DNAH8: variants seen among roughly 807,000 people sequenced by gnomAD.
DNAH8 encodes the protein axonemal beta dynein heavy chain 8.
DNAH8 carries 382 observed loss-of-function variants against 562.1 expected under a neutral mutation model. The observed-to-expected ratio is 0.68, with a 90% CI of 0.63 to 0.74. The LOEUF (loss-of-function observed/expected upper bound fraction) is 0.74. DNAH8 is among the 30% of genes least tolerant of loss of function. The pLI, the probability that DNAH8 is intolerant of heterozygous loss-of-function variation, is 0.00. For synonymous variants in DNAH8, 1,881 were observed against 1,919.4 expected (o/e 0.98, Z 0.52); for missense variants, 5,203 against 5,620.4 (o/e 0.93, Z 2.37).
chr6:38,797,318 A>G (rs966263312), intron 21 of DNAH8, among the ~76,000 whole-genome samples: 11 of 152,228 alleles, frequency 7.2e-5, no homozygotes, highest in African/African-American at 2.7e-4. Flanking sequence ...TCTTAAGTCG[A>G]GTAAAGGCTC....
At chr6:38,970,850 C>T (rs1278969210) in intron 82 of DNAH8, among the ~76,000 whole-genome samples, 1 of 152,160 alleles carries the variant, frequency 6.6e-6, no homozygotes, top group Non-Finnish European at 1.5e-5. Context: ...TCTCAGACTT[C>T]TTCATTTTAG....
intron 87 of DNAH8, among the ~76,000 whole-genome samples, chr6:38,985,940 G>A (rs1228165151): frequency 2.6e-5 from 4 of 152,194 alleles, no homozygotes; most frequent in Non-Finnish European, 4.4e-5. Context: ...TCCTGAAAGA[G>A]GATCGAGTGG....
At chr6:38,935,847 AG>A in intron 77 of DNAH8, 150 bp downstream of exon 77, 1 of 567,748 alleles carries the variant, frequency 1.8e-6, no homozygotes. Flanking sequence ...TAGACATTAA[AG>A]AGGGACGGCA....
rs117049051 is a variant in DNAH8 at position 38,793,354 on chromosome 6, C to A, written c.2901+1680C>A. On this transcript the variant is annotated intron_variant, in intron 21 of 92. Coordinates refer to ENST00000327475, the MANE Select transcript of DNAH8 (RefSeq NM_001206927.2). ...TTTAACATCCTGTTCTTGGTGTGTT[C>A]AAGTTTAAGATGATTATATCTTCTG... Among the ~76,000 whole-genome samples, 429 of 152,158 alleles carry A rather than the reference C, an allele frequency of 2.8e-3. 6 individuals carry two copies. In the East Asian group the frequency reaches 0.057, roughly 20 times the overall value.
chr6:38,933,527 T>C (rs1356340043), intron 76 of DNAH8, among the ~76,000 whole-genome samples: 1 of 152,182 alleles, frequency 6.6e-6, no homozygotes. Context: ...TGCTATGAAG[T>C]TTAGCAAGAG....
At chr6:38,843,260 C>T (rs1174167003) in intron 35 of DNAH8, among the ~76,000 whole-genome samples, 1 of 151,964 alleles carries the variant, frequency 6.6e-6, no homozygotes, top group African/African-American at 2.4e-5. Context: ...ATGCTTTTTC[C>T]TGTTCAGTCT....
At chr6:38,943,594 C>T (rs1290957625) in intron 79 of DNAH8, among the ~76,000 whole-genome samples, 1 of 152,126 alleles carries the variant, frequency 6.6e-6, no homozygotes. Flanking sequence ...GAAATGGATA[C>T]CAGGCGCAAT....
chr6:39,023,280 C>G (rs2150793972), intron 91 of DNAH8, among the ~76,000 whole-genome samples: 1 of 152,274 alleles, frequency 6.6e-6, no homozygotes, highest in South Asian at 2.1e-4. Flanking sequence ...ATCACGAGGT[C>G]AGGAGATCGA....
In DNAH8 at chr6:38,938,136, A is replaced by T. The variant is rs373142030; in HGVS notation, c.11726A>T (p.Tyr3909Phe). 2.6e-5 allele frequency: 42 copies of T among 1,614,054 alleles called. No homozygotes were observed. The African/African-American group carries it at 5.5e-4, about 21-fold the overall frequency. ...RPAATRGSIL[Y>F]FLITEMSMVN... is the part of the protein sequence containing the mutation. ...GCAGCCACCCGCGGAAGCATCCTCT[A>T]CTTCCTCATCACAGAGATGAGCATG... Residue 3909 changes from tyrosine (Y) to phenylalanine (F), a missense_variant, in exon 78 of 93, where the codon TAC (tyrosine) becomes TTC (phenylalanine). By Grantham distance (22) the Tyr-to-Phe change is conservative (BLOSUM62 3). This residue lies in a region of DNAH8 where 1,399 missense variants were observed against 1,518.4 expected (regional missense o/e 0.92). Transcript: ENST00000327475.
chr6:38,830,243 G>A (rs1773710615), intron 30 of DNAH8, among the ~76,000 whole-genome samples: 1 of 152,012 alleles, frequency 6.6e-6, no homozygotes, highest in Admixed American at 6.6e-5. Flanking sequence ...ACTGATTTGA[G>A]ATTTTTTTTC....
intron 82 of DNAH8, among the ~76,000 whole-genome samples, chr6:38,957,909 G>C (rs1318794523): frequency 1.4e-5 from 2 of 140,770 alleles, no homozygotes; most frequent in Non-Finnish European, 3.0e-5. Flanking sequence ...ATAACCTAAT[G>C]TTGCATCTCA....
intron 26 of DNAH8, among the ~76,000 whole-genome samples, chr6:38,819,394 T>C (rs1462308583): frequency 6.6e-6 from 1 of 152,164 alleles, no homozygotes; most frequent in Non-Finnish European, 1.5e-5. Flanking sequence ...GGTGAGTACA[T>C]TGGAATTCAT....
chr6:38,779,927 T>C, intron 14 of DNAH8, 39 bp from the exon 15 acceptor site: 1 of 1,547,658 alleles, frequency 6.5e-7, no homozygotes, highest in African/African-American at 1.4e-5. Context: ...AGTATATTTC[T>C]CATTTACTTT....
At chr6:38,736,548 A>G (rs558199183) in intron 5 of DNAH8, among the ~76,000 whole-genome samples, 5 of 152,182 alleles carry the variant, frequency 3.3e-5, no homozygotes, top group African/African-American at 1.2e-4. Context: ...TTGTGACCCT[A>G]GACAAGTTTT....
rs774818998 is a variant in DNAH8 at position 39,026,621 on chromosome 6, A to G, written c.13790A>G (p.Asn4597Ser). ...GWALDTVTIHNEVLRQTKEEI... is the reference protein window; with the variant it reads ...GWALDTVTIHSEVLRQTKEEI... ...GCACTGGACACTGTGACCATCCACA[A>G]TGAAGTTCTGAGACAGACCAAGGAG... The change falls in exon 92 of 93, where the codon AAT becomes AGT. Residue 4597 changes from asparagine to serine, a missense_variant. By Grantham distance (46) the Asn-to-Ser change is conservative (BLOSUM62 1). Transcript: ENST00000327475. The G allele has an allele frequency of 4.3e-5, 70 of 1,613,672 alleles. No homozygotes were observed. In the South Asian group the frequency reaches 5.1e-4, roughly 12 times the overall value.
intron 12 of DNAH8, among the ~76,000 whole-genome samples, chr6:38,771,697 C>G (rs1038360801): frequency 6.6e-6 from 1 of 152,186 alleles, no homozygotes; most frequent in African/African-American, 2.4e-5. Context: ...CAAAGCTCAT[C>G]TATATTATAC....
intron 52 of DNAH8, among the ~76,000 whole-genome samples, chr6:38,874,555 A>G (rs547385295): frequency 6.0e-5 from 9 of 150,736 alleles, no homozygotes; most frequent in Admixed American, 6.0e-4. Context: ...TTTTTTATAG[A>G]GACAGGGTCT....
chr6:38,741,789 A>T lies in DNAH8; in HGVS notation c.1195A>T (p.Met399Leu). The change falls in exon 8 of 93, where the codon ATG becomes TTG. Residue 399 changes from methionine to leucine, a missense_variant. By Grantham distance (15) the Met-to-Leu change is conservative (BLOSUM62 2). This residue lies in a region of DNAH8 where 556 missense variants were observed against 496.9 expected (regional missense o/e 1.12). Transcript: ENST00000327475. ...PLTELEHWKR[M>L]SAKFNYIIEQ... ...CACTGAATTGGAACACTGGAAACGCATGTCAGCCAAGTTCAACTATATCAT... is the reference window on the plus strand; with the variant it reads ...CACTGAATTGGAACACTGGAAACGCTTGTCAGCCAAGTTCAACTATATCAT... 2 of 1,614,144 alleles carry T rather than the reference A, an allele frequency of 1.2e-6. No homozygotes were observed. Among genetic ancestry groups the T allele is most frequent in the Non-Finnish European group, 8.5e-7 (1 of 1,179,986 alleles).
rs539475448 is a variant in DNAH8 at position 38,898,259 on chromosome 6, T to C, written c.8942T>C (p.Met2981Thr). 2.4e-5 allele frequency: 38 copies of C among 1,588,678 alleles called. No homozygotes were observed. The highest frequency in any genetic ancestry group is 2.9e-5 in the Non-Finnish European group (34 of 1,171,792). The change falls in exon 61 of 93, where the codon ATG becomes ACG. Residue 2981 changes from methionine (M) to threonine (T), a missense_variant and splice_region_variant. Coordinates refer to ENST00000327475, the MANE Select transcript of DNAH8 (RefSeq NM_001206927.2). The part of the protein sequence containing the change: ...VFEVPKIYEL[M>T]PSFDFLAEKL... ...TTTTATCTTTCTCTCCACCCATAGA[T>C]GCCATCCTTTGACTTTCTGGCTGAA...
Sources: allele counts gnomAD v4.1 joint callset (sites outside exome capture counted in the v4.1 genomes callset), GRCh38; gene constraint gnomAD v4.1.1; regional missense constraint gnomAD v4.1.1; transcripts MANE v1.5; gene names NCBI Gene and HGNC (gene_info 2026-07-23, HGNC 2026-07-21).